DIPK2B: variants seen among roughly 807,000 people sequenced by gnomAD.
DIPK2B encodes the protein UPF0672 protein CXorf36.
DIPK2B carries 15 observed loss-of-function variants against 22.2 expected under a neutral mutation model. The observed-to-expected ratio is 0.68, with a 90% confidence interval of 0.45 to 1.04. DIPK2B has a LOEUF of 1.04. Among genes scored for constraint, DIPK2B ranks in the 50% least tolerant of loss-of-function variants. DIPK2B has a pLI of 0.00. For synonymous variants in DIPK2B, 163 were observed against 153.2 expected (o/e 1.06, Z -0.47); for missense variants, 345 against 348.3 (o/e 0.99, Z 0.08).
At chrX:45,197,064 C>T (rs769459287) in intron 1 of DIPK2B, among the ~76,000 whole-genome samples, 5 of 111,921 alleles carry the variant, frequency 4.5e-5, no homozygotes, top group Non-Finnish European at 9.4e-5. Flanking sequence ...TACCCATCTA[C>T]GATTTGTTGC....
At chrX:45,192,723 A>T (rs1026448337) in intron 1 of DIPK2B, among the ~76,000 whole-genome samples, 3 of 111,924 alleles carry the variant, frequency 2.7e-5, no homozygotes, top group African/African-American at 9.8e-5. Flanking sequence ...GAGGTGTGTG[A>T]TTCTACATGA....
intron 3 of DIPK2B, among the ~76,000 whole-genome samples, chrX:45,157,171 G>A (rs1457576129): frequency 9.0e-6 from 1 of 111,461 alleles, no homozygotes; most frequent in Non-Finnish European, 1.9e-5. Flanking sequence ...ATAAGTGTCT[G>A]TCTCTACCAC....
intron 2 of DIPK2B, among the ~76,000 whole-genome samples, chrX:45,184,828 G>A (rs2047172981): frequency 8.9e-6 from 1 of 112,071 alleles, no homozygotes; most frequent in Non-Finnish European, 1.9e-5. Context: ...ATAGTTTGGG[G>A]AAATATAGAG....
At chrX:45,200,545 G>A (rs769028223) in intron 1 of DIPK2B, 49 bp downstream of exon 1, 3 of 1,095,452 alleles carry the variant, frequency 2.7e-6, no homozygotes, top group Non-Finnish European at 3.8e-6. Context: ...ATCTTCACAA[G>A]AAGGGAACAG....
intron 2 of DIPK2B, among the ~76,000 whole-genome samples, chrX:45,182,448 T>C (rs2047160208): frequency 8.9e-6 from 1 of 112,567 alleles, no homozygotes; most frequent in Non-Finnish European, 1.9e-5. Flanking sequence ...CCATTGCTAA[T>C]AGGAGGAAAT....
At chrX:45,197,785 T>G (rs1486043340) in intron 1 of DIPK2B, among the ~76,000 whole-genome samples, 1 of 111,850 alleles carries the variant, frequency 8.9e-6, no homozygotes, top group African/African-American at 3.3e-5. Context: ...GATATATATA[T>G]CTCCTTCAAT....
chrX:45,165,065 G>T (rs1048175567), intron 2 of DIPK2B, among the ~76,000 whole-genome samples: 2 of 111,689 alleles, frequency 1.8e-5, no homozygotes, highest in Non-Finnish European at 3.8e-5. Context: ...TAAACATACA[G>T]ATTCCTAGGT....
chrX:45,178,084 A>G (rs1385491692), intron 2 of DIPK2B, among the ~76,000 whole-genome samples: 1 of 111,659 alleles, frequency 9.0e-6, no homozygotes. Flanking sequence ...TGCTTTTCTT[A>G]TCTGCTGTAA....
intron 2 of DIPK2B, among the ~76,000 whole-genome samples, chrX:45,173,794 C>A (rs1320768303): frequency 9.1e-6 from 1 of 110,203 alleles, no homozygotes; most frequent in Admixed American, 9.7e-5. Context: ...TGGTCTCGAA[C>A]TCCTGAGCTC....
chrX:45,163,443 A>G, intron 2 of DIPK2B: 3 of 754,424 alleles, frequency 4.0e-6, no homozygotes, highest in South Asian at 1.3e-4. Flanking sequence ...ACCGAAATCT[A>G]GATTTGCTTT....
chrX:45,158,634 C>G (rs2047008114), intron 2 of DIPK2B, among the ~76,000 whole-genome samples: 1 of 110,069 alleles, frequency 9.1e-6, no homozygotes, highest in Non-Finnish European at 1.9e-5. Context: ...GCATGAACCT[C>G]CTGATAAAAA....
At chrX:45,189,605 C>T (rs1158955915) in intron 2 of DIPK2B, among the ~76,000 whole-genome samples, 1 of 86,482 alleles carries the variant, frequency 1.2e-5, no homozygotes, top group Non-Finnish European at 2.4e-5. Context: ...AAGAGTGAAA[C>T]TCTGTCTCAA....
chrX:45,199,567 A>G (rs1474668345), intron 1 of DIPK2B, among the ~76,000 whole-genome samples: 1 of 111,044 alleles, frequency 9.0e-6, no homozygotes, highest in African/African-American at 3.3e-5. Context: ...TTAAGATGTT[A>G]CTTCCACCTT....
At chrX:45,175,316 G>A (rs979347715) in intron 2 of DIPK2B, among the ~76,000 whole-genome samples, 1 of 111,081 alleles carries the variant, frequency 9.0e-6, no homozygotes, top group Non-Finnish European at 1.9e-5. Context: ...CAACAACAGT[G>A]AATAAAACTA....
chrX:45,196,390 C>T (rs1426104739), intron 1 of DIPK2B, among the ~76,000 whole-genome samples: 1 of 111,164 alleles, frequency 9.0e-6, no homozygotes, highest in Non-Finnish European at 1.9e-5. Context: ...TTTCCCAAGG[C>T]CCCTGAGTTG....
intron 1 of DIPK2B, among the ~76,000 whole-genome samples, chrX:45,198,474 G>A: frequency 9.0e-6 from 1 of 111,011 alleles, no homozygotes; most frequent in Non-Finnish European, 1.9e-5. Flanking sequence ...GTGTTTTCCT[G>A]CTTGTATCTG....
chrX:45,153,948 CG>C lies in DIPK2B; in HGVS notation c.922del (p.Arg308GlyfsTer75). 4 of 1,210,193 alleles carry C rather than the reference CG, an allele frequency of 3.3e-6. No individual in the cohort carries two copies. The highest frequency in any genetic ancestry group is 4.5e-6 in the Non-Finnish European group (4 of 894,646). ...GATGACGCCCACTGCACTGGCATCCCGGATGAACAGATGCCCGTTGTTAAAG... is the reference window on the plus strand; with the variant it reads ...GATGACGCCCACTGCACTGGCATCCCGATGAACAGATGCCCGTTGTTAAAG... Reference protein sequence around the residue: ...GVFNNGHLFIRDASAVGVIDK... With the variant: ...GVFNNGHLFIXDASAVGVIDK... On this transcript the variant is annotated frameshift_variant, in exon 4 of 5. Coordinates refer to ENST00000398000, the MANE Select transcript of DIPK2B (RefSeq NM_176819.4). LOFTEE classifies it low-confidence loss of function (END_TRUNC).
intron 2 of DIPK2B, among the ~76,000 whole-genome samples, chrX:45,187,362 G>C (rs1456187054): frequency 8.9e-6 from 1 of 111,929 alleles, no homozygotes; most frequent in African/African-American, 3.3e-5. Context: ...TTGTGGGCTA[G>C]TAATTTAGGC....
intron 1 of DIPK2B, among the ~76,000 whole-genome samples, chrX:45,196,839 C>T (rs113500388): frequency 0.038 from 4,229 of 111,986 alleles, 93 homozygotes; most frequent in Non-Finnish European, 0.064. Context: ...ATTTCCCTAG[C>T]TTCCCTTAAC....
Sources: allele counts gnomAD v4.1 joint callset (sites outside exome capture counted in the v4.1 genomes callset), GRCh38; gene constraint gnomAD v4.1.1; transcripts MANE v1.5; gene names NCBI Gene and HGNC (gene_info 2026-07-23, HGNC 2026-07-21).